Variants in TICRR observed in about 807,000 individuals in gnomAD.
TICRR encodes TOPBP1 interacting checkpoint and replication regulator, also known as treslin.
Under a neutral mutation model 178.1 loss-of-function variants are expected in TICRR, and 132 were observed. The ratio of observed to expected loss-of-function variants is 0.74; its 90% CI spans 0.64 to 0.86. The LOEUF is 0.86. Among genes scored for constraint, TICRR ranks in the 40% least tolerant of loss-of-function variants. The pLI, the probability that TICRR is intolerant of heterozygous loss-of-function variation, is 0.00. For missense variants in TICRR, 2,587 were observed against 2,334.3 expected (o/e 1.11, Z -2.23); for synonymous variants, 991 against 900.7 (o/e 1.10, Z -1.79).
At chr15:89,583,992 A>G (rs1962775588) in intron 2 of TICRR, among the ~76,000 whole-genome samples, 1 of 152,192 alleles carries the variant, frequency 6.6e-6, no homozygotes, top group Non-Finnish European at 1.5e-5. Flanking sequence ...CTGGCCTTCA[A>G]TACTTATACT....
chr15:89,598,236 G>T (rs1004555960), intron 7 of TICRR, among the ~76,000 whole-genome samples: 9 of 151,990 alleles, frequency 5.9e-5, no homozygotes, highest in African/African-American at 2.2e-4. Flanking sequence ...GCCTCCCAAA[G>T]TGCTGGGATT....
At chr15:89,617,058 A>G (rs1248716316) in intron 16 of TICRR, among the ~76,000 whole-genome samples, 1 of 151,614 alleles carries the variant, frequency 6.6e-6, no homozygotes, top group Non-Finnish European at 1.5e-5. Flanking sequence ...CAAACAGAAA[A>G]CCCAGGGAGC....
At chr15:89,602,172 T>C (rs1412063380) in intron 12 of TICRR, among the ~76,000 whole-genome samples, 196 bp downstream of exon 12, 1 of 152,230 alleles carries the variant, frequency 6.6e-6, no homozygotes, top group Non-Finnish European at 1.5e-5. Flanking sequence ...CTAGGAAATA[T>C]ATAGTCATGT....
intron 21 of TICRR, 78 bp from the exon 22 acceptor site, chr15:89,626,878 C>A: frequency 3.3e-6 from 5 of 1,505,862 alleles, no homozygotes; most frequent in Non-Finnish European, 3.6e-6. Flanking sequence ...TGTGTGTAAC[C>A]CTCTGCAATT....
In TICRR at chr15:89,627,242, A is replaced by T; in HGVS notation, c.*156A>T. 1 of 859,994 alleles carries T rather than the reference A, an allele frequency of 1.2e-6. No individual in the cohort carries two copies. Among genetic ancestry groups the T allele is most frequent in the Non-Finnish European group, 1.7e-6 (1 of 572,258 alleles). 53.3% of individuals were successfully genotyped at this position (859,994 alleles called of 1,614,324 possible). On this transcript the variant is annotated 3_prime_UTR_variant, in exon 22 of 22. Transcript: ENST00000268138. ...GTTTTCTAATTCCCCTTATGGATCCAATCCATCTCCTGGCCCTGCCCCTTG... is the reference window on the plus strand; with the variant it reads ...GTTTTCTAATTCCCCTTATGGATCCTATCCATCTCCTGGCCCTGCCCCTTG...
At chr15:89,592,992 A>G (rs1201115881) in intron 5 of TICRR, among the ~76,000 whole-genome samples, 2 of 152,254 alleles carry the variant, frequency 1.3e-5, no homozygotes, top group Admixed American at 6.5e-5. Flanking sequence ...TCAATATTGC[A>G]TTATAGCAAT....
rs772250657 is a variant in TICRR, at chr15:89,584,337, T to C, written c.986T>C (p.Met329Thr). The change falls in exon 3 of 22, where the codon ATG becomes ACG. Residue 329 changes from methionine (M) to threonine (T), a missense_variant. Met to Thr is a moderately conservative substitution (Grantham distance 81). Coordinates refer to ENST00000268138, the MANE Select transcript of TICRR (RefSeq NM_152259.4). ...TWTVTLEPLA[M>T]HQRHFQKPVR... ...ACAGTCACCCTAGAGCCCTTGGCCA[T>C]GCATCAGAGACATTTTCAGAAACCA... The C allele has an allele frequency of 1.2e-5, 20 of 1,614,206 alleles. No homozygotes were observed. The highest frequency in any genetic ancestry group is 1.6e-5 in the Non-Finnish European group (19 of 1,180,030).
In TICRR at chr15:89,582,864, T is replaced by C. The variant is rs948885570; in HGVS notation, c.833T>C (p.Met278Thr). 6.2e-7 allele frequency: 1 copy of C among 1,614,088 alleles called. No homozygotes were observed. The highest frequency in any genetic ancestry group is 8.5e-7 in the Non-Finnish European group (1 of 1,180,030). The part of the protein sequence containing the change: ...SEPHLSPWIS[M>T]LPTDATLNRL... ...CCTCATCTTTCTCCGTGGATTTCAA[T>C]GCTGCCAACTGATGCCACTTTAAAC... Residue 278 changes from methionine (M) to threonine (T), a missense_variant, in exon 2 of 22, where the codon ATG becomes ACG. Physicochemically the swap from Met to Thr is moderately conservative, Grantham distance 81. Coordinates refer to ENST00000268138, the MANE Select transcript of TICRR (RefSeq NM_152259.4).
rs751912896 is a variant in TICRR, at chr15:89,623,800, G to C, written c.3490G>C (p.Gly1164Arg). 6.2e-7 allele frequency: 1 copy of C among 1,613,746 alleles called. No homozygotes were observed. The highest frequency in any genetic ancestry group is 8.5e-7 in the Non-Finnish European group (1 of 1,179,970). Residue 1164 changes from glycine (G) to arginine (R), a missense_variant, in exon 20 of 22, where the codon GGC becomes CGC. Gly to Arg is a moderately radical substitution (Grantham distance 125). Transcript: ENST00000268138. ...GTCCTTAAAAGACTCCTCCTCACCCGGCCATGACTCACCATTGGATTCAAA... is the reference window on the plus strand; with the variant it reads ...GTCCTTAAAAGACTCCTCCTCACCCCGCCATGACTCACCATTGGATTCAAA... ...KESLKDSSSPGHDSPLDSKIT... is the reference protein window; with the variant it reads ...KESLKDSSSPRHDSPLDSKIT...
intron 21 of TICRR, 53 bp downstream of exon 21, chr15:89,626,114 C>G: frequency 1.3e-6 from 2 of 1,593,332 alleles, no homozygotes; most frequent in Non-Finnish European, 1.7e-6. Context: ...TGTCTGAATT[C>G]ACCAGGGTTG....
intron 4 of TICRR, among the ~76,000 whole-genome samples, chr15:89,590,739 T>C (rs1218992515): frequency 6.6e-6 from 1 of 152,228 alleles, no homozygotes; most frequent in Non-Finnish European, 1.5e-5. Context: ...GGATCTACTC[T>C]TCCTATACTG....
At chr15:89,588,297 GA>G (rs1962855394) in intron 4 of TICRR, among the ~76,000 whole-genome samples, 1 of 152,190 alleles carries the variant, frequency 6.6e-6, no homozygotes, top group Admixed American at 6.5e-5. Flanking sequence ...GGTAAAGTGA[GA>G]TCCCTCTGTG....
intron 4 of TICRR, chr15:89,591,479 C>T (rs1962911566): frequency 6.6e-6 from 1 of 152,096 alleles, no homozygotes; most frequent in Non-Finnish European, 1.5e-5. Flanking sequence ...CCTGTAATTC[C>T]AGCACTTTGG....
intron 15 of TICRR, among the ~76,000 whole-genome samples, chr15:89,613,830 T>C (rs1963292207): frequency 6.6e-6 from 1 of 151,772 alleles, no homozygotes; most frequent in African/African-American, 2.4e-5. Flanking sequence ...TTTTCTTTAG[T>C]TCTTTGAACA....
At chr15:89,594,644 T>C (rs1012911503) in intron 6 of TICRR, 90 bp downstream of exon 6, 87 of 1,227,136 alleles carry the variant, frequency 7.1e-5, no homozygotes, top group Non-Finnish European at 9.0e-5. Context: ...GAGGTTGAAA[T>C]GGTAACTAAA....
At chr15:89,590,493 A>G (rs1399185920) in intron 4 of TICRR, among the ~76,000 whole-genome samples, 1 of 152,238 alleles carries the variant, frequency 6.6e-6, no homozygotes, top group Admixed American at 6.5e-5. Context: ...TAAAGGAAGA[A>G]CTGCAGTATT....
At chr15:89,608,670 T>A (rs543966140) in intron 14 of TICRR, 133 bp from the exon 15 acceptor site, 26 of 686,858 alleles carry the variant, frequency 3.8e-5, no homozygotes, top group Non-Finnish European at 5.8e-5. Flanking sequence ...GAAACCTTAT[T>A]AGCATATGTG....
chr15:89,626,766 G>T (rs1395972884), intron 21 of TICRR, among the ~76,000 whole-genome samples, 190 bp from the exon 22 acceptor site: 2 of 152,170 alleles, frequency 1.3e-5, no homozygotes, highest in African/African-American at 4.8e-5. Context: ...TGCCAGCACG[G>T]TGCATAGCTG....
chr15:89,585,856 C>T lies in TICRR; in HGVS notation c.1325C>T (p.Pro442Leu). 3 of 1,614,096 alleles carry T rather than the reference C, an allele frequency of 1.9e-6. No individual in the cohort carries two copies. Among genetic ancestry groups the T allele is most frequent in the Non-Finnish European group, 2.5e-6 (3 of 1,180,016 alleles). The change falls in exon 4 of 22, where the codon CCC becomes CTC. Residue 442 changes from proline to leucine, a missense_variant. Transcript: ENST00000268138. ...HVLQTAVADS[P>L]RDTASLFSDV... ...CTCCAAACAGCTGTGGCTGACAGCC[C>T]CCGGGACACAGCTTCCCTTTTCTCA...
Sources: gnomAD v4.1 joint callset for allele counts (sites outside exome capture counted in the v4.1 genomes callset) on GRCh38, gnomAD v4.1.1 for gene constraint, MANE v1.5 for transcripts, NCBI Gene and HGNC (gene_info 2026-07-23, HGNC 2026-07-21) for gene names.